The following RPN2 variants were observed in gnomAD, a reference collection of about 807,000 sequenced individuals.
RPN2 encodes ribophorin II.
A neutral mutation model predicts 71.4 loss-of-function variants in RPN2; 29 were observed. That is an observed-to-expected ratio of 0.41 (90% CI 0.30 to 0.55). The LOEUF is 0.55. Among genes scored for constraint, RPN2 ranks in the 20% least tolerant of loss-of-function variants. The pLI, the probability that RPN2 is intolerant of heterozygous loss-of-function variation, is 0.35. For missense variants in RPN2, 726 were observed against 774.1 expected, an observed-to-expected ratio of 0.94 and a Z score of 0.74; for synonymous variants, 308 against 305.0, an observed-to-expected ratio of 1.01 and a Z score of -0.10.
chr20:37,205,237 A>T (rs951531018), intron 6 of RPN2, among the ~76,000 whole-genome samples: 33 of 150,690 alleles, frequency 2.2e-4, no homozygotes, highest in Non-Finnish European at 1.0e-4. Flanking sequence ...AATGCTTTCC[A>T]CTCTGGTGGC....
intron 2 of RPN2, among the ~76,000 whole-genome samples, chr20:37,197,581 A>G (rs2067281327): frequency 2.0e-5 from 3 of 152,164 alleles, no homozygotes; most frequent in Non-Finnish European, 4.4e-5. Context: ...GTGAAGAAAT[A>G]GAAGGTTTTA....
chr20:37,181,286 G>C (rs773478611), intron 1 of RPN2, among the ~76,000 whole-genome samples: 5 of 151,716 alleles, frequency 3.3e-5, no homozygotes, highest in Admixed American at 6.6e-5. Flanking sequence ...AGGCCCTCTG[G>C]ATTTGTCCTC....
chr20:37,184,823 CTGTTTT>C (rs1042723720), intron 2 of RPN2, among the ~76,000 whole-genome samples: 3 of 152,118 alleles, frequency 2.0e-5, no homozygotes, highest in East Asian at 1.9e-4. Context: ...TTTGACAGAT[CTGTTTT>C]TGTTTTTGTT....
At position 37,203,886 on chromosome 20, in the gene RPN2, A is replaced by G; in HGVS notation, c.481A>G (p.Thr161Ala). Residue 161 changes from threonine to alanine, a missense_variant and splice_region_variant, in exon 5 of 17, where the codon ACA (threonine) becomes GCA (alanine). Coordinates refer to ENST00000237530, the MANE Select transcript of RPN2 (RefSeq NM_002951.5). ...RLSKEETVLA[T>A]VQALQTASHL... ...GGGGTTCTACTCTTTACCTTCCAGA[A>G]CAGTCCAGGCTCTGCAGACAGCATC... The G allele has an allele frequency of 6.2e-7, 1 of 1,613,164 alleles. No individual in the cohort carries two copies. The highest frequency in any genetic ancestry group is 8.5e-7 in the Non-Finnish European group (1 of 1,179,068).
intron 1 of RPN2, among the ~76,000 whole-genome samples, chr20:37,181,891 C>T (rs2066892033): frequency 1.6e-5 from 2 of 125,926 alleles, no homozygotes; most frequent in South Asian, 5.3e-4. Context: ...ATAGCACTTA[C>T]TTTGTAATGT....
chr20:37,217,838 A>G (rs1316756073), intron 9 of RPN2, among the ~76,000 whole-genome samples: 1 of 151,492 alleles, frequency 6.6e-6, no homozygotes, highest in Non-Finnish European at 1.5e-5. Context: ...GGTTCAAGTG[A>G]TTCTCCTGCC....
intron 9 of RPN2, among the ~76,000 whole-genome samples, chr20:37,220,829 CA>C (rs1192012716): frequency 6.6e-6 from 1 of 152,086 alleles, no homozygotes; most frequent in Non-Finnish European, 1.5e-5. Context: ...TCCAGAGACC[CA>C]TTTATAGTGA....
rs746808561 is a variant in RPN2, at chr20:37,225,673, A to G, written c.1185-15A>G. 1.6e-5 allele frequency: 25 copies of G among 1,556,444 alleles called. No individual in the cohort carries two copies. The highest frequency in any genetic ancestry group is 2.0e-5 in the Non-Finnish European group (23 of 1,127,436). The stretch of plus-strand genomic sequence containing the variant: ...CTGATCCTCTCTGAAGACTAACTCT[A>G]TATGCCTCTTTCAGGGTGACATACC... On this transcript the variant is annotated splice_polypyrimidine_tract_variant and intron_variant, in intron 10 of 16. Transcript: ENST00000237530.
rs954454736 is a variant in RPN2, at chr20:37,241,404, A to C, written c.*89A>C. 2.8e-5 allele frequency: 42 copies of C among 1,482,710 alleles called. No individual in the cohort carries two copies. The highest frequency in any genetic ancestry group is 3.6e-5 in the Non-Finnish European group (39 of 1,088,980). 91.8% of individuals were successfully genotyped at this position (1,482,710 alleles called of 1,614,324 possible). A position where few individuals can be genotyped will look rare whatever the true frequency, so the allele number is the denominator to read the frequency against. On this transcript the variant is annotated 3_prime_UTR_variant, in exon 17 of 17. Transcript: ENST00000237530. ...CAGTATGAGAAGAAAAATGGAAAAA[A>C]AAAACTTTATTTAAAAAAGAAAAAA...
intron 10 of RPN2, among the ~76,000 whole-genome samples, chr20:37,224,805 G>A (rs1017997657): frequency 1.3e-5 from 2 of 152,180 alleles, no homozygotes; most frequent in Admixed American, 6.5e-5. Context: ...AAGATGGGAT[G>A]TTAGCCAGAG....
At chr20:37,203,361 CTTTTTTTT>C (rs11348988) in intron 4 of RPN2, among the ~76,000 whole-genome samples, 1 of 138,114 alleles carries the variant, frequency 7.2e-6, no homozygotes, top group Admixed American at 7.1e-5. Flanking sequence ...TTGCTTCAAT[CTTTTTTTT>C]TTTTTTTTTT....
intron 2 of RPN2, among the ~76,000 whole-genome samples, chr20:37,192,407 G>T (rs1310382487): frequency 6.6e-6 from 1 of 152,202 alleles, no homozygotes; most frequent in Non-Finnish European, 1.5e-5. Flanking sequence ...GTGCCAAGAG[G>T]CAGACAGGCT....
At chr20:37,226,045 G>C (rs2068067244) in intron 11 of RPN2, among the ~76,000 whole-genome samples, 1 of 152,032 alleles carries the variant, frequency 6.6e-6, no homozygotes, top group Non-Finnish European at 1.5e-5. Context: ...AGGTACTTAA[G>C]GCAGATTTGC....
intron 14 of RPN2, among the ~76,000 whole-genome samples, chr20:37,233,336 A>AT (rs891510885): frequency 6.2e-4 from 92 of 149,038 alleles, no homozygotes; most frequent in East Asian, 4.7e-3. Flanking sequence ...TACCATTTGA[A>AT]TTTTTTTTTT....
intron 4 of RPN2, among the ~76,000 whole-genome samples, chr20:37,199,881 T>A (rs975286715): frequency 1.3e-5 from 2 of 152,142 alleles, no homozygotes; most frequent in African/African-American, 4.8e-5. Context: ...TCACCCAGGC[T>A]GAAGTGCAAT....
chr20:37,201,873 A>G (rs545607705), intron 4 of RPN2, among the ~76,000 whole-genome samples: 21 of 152,244 alleles, frequency 1.4e-4, no homozygotes, highest in Non-Finnish European at 1.5e-4. Context: ...AAAAGAAAAT[A>G]CTTGTAGATT....
Position 37,241,521 on chromosome 20 carries a change from CTG to C in RPN2, c.*210_*211del, listed in dbSNP as rs1268130455. ...GCTCAGATAGTCTCTTTCTCTGACA[CTG>C]TGTAAGAAGCTGTGAATATTCCTAA... On this transcript the variant is annotated 3_prime_UTR_variant, in exon 17 of 17. Transcript: ENST00000237530. 7.8e-6 allele frequency: 5 copies of C among 637,742 alleles called. No homozygotes were observed. Among genetic ancestry groups the C allele is most frequent in the Non-Finnish European group, 1.1e-5 (4 of 358,282 alleles). The allele number at this position is 637,742 out of a possible 1,614,324, so 39.5% of individuals were successfully genotyped here.
In RPN2 at chr20:37,239,137, G is replaced by A. The variant is rs138999334; in HGVS notation, c.1884-2166G>A. Among the ~76,000 whole-genome samples the A allele has an allele frequency of 2.6e-5, 4 of 152,314 alleles. No individual in the cohort carries two copies. The East Asian group carries it at 5.8e-4, about 22-fold the overall frequency. On this transcript the variant is annotated intron_variant, in intron 16 of 16. Transcript: ENST00000237530. ...CACTGATCTGCTCCGCTAGACCAGG[G>A]TCTGGCAAAAGTTTTCTGTAAAGAG...
chr20:37,223,551 A>G (rs1336724936), intron 9 of RPN2, among the ~76,000 whole-genome samples: 1 of 152,214 alleles, frequency 6.6e-6, no homozygotes, highest in Non-Finnish European at 1.5e-5. Flanking sequence ...TTTGAATGAA[A>G]GGTACTGCTT....
Sources: gnomAD v4.1 joint callset for allele counts (sites outside exome capture counted in the v4.1 genomes callset) on GRCh38, gnomAD v4.1.1 for gene constraint, MANE v1.5 for transcripts, NCBI Gene and HGNC (gene_info 2026-07-23, HGNC 2026-07-21) for gene names.